LRRC8D: variants seen among roughly 807,000 people sequenced by gnomAD.
The protein encoded by LRRC8D is leucine rich repeat containing 8 VRAC subunit D.
Under a neutral mutation model 55.8 loss-of-function variants are expected in LRRC8D, and 20 were observed. The ratio of observed to expected loss-of-function variants is 0.36; its 90% confidence interval spans 0.25 to 0.52. LRRC8D has a LOEUF of 0.52. Ranked by LOEUF, LRRC8D falls within the 20% of genes least tolerant of loss-of-function variation. LRRC8D has a pLI of 0.93. For synonymous variants in LRRC8D, 352 were observed against 377.0 expected (o/e 0.93, Z 0.77); for missense variants, 651 against 1,030.8 (o/e 0.63, Z 5.05).
At chr1:89,850,062 A>G (rs1455756865) in intron 2 of LRRC8D, among the ~76,000 whole-genome samples, 1 of 152,178 alleles carries the variant, frequency 6.6e-6, no homozygotes, top group African/African-American at 2.4e-5. Context: ...TGAGATACGA[A>G]GTATTAACCC....
intron 2 of LRRC8D, among the ~76,000 whole-genome samples, chr1:89,864,158 G>C (rs1392066037): frequency 6.6e-6 from 1 of 152,152 alleles, no homozygotes; most frequent in Non-Finnish European, 1.5e-5. Flanking sequence ...TCTGTTTTTT[G>C]TCTTTGAACC....
intron 2 of LRRC8D, among the ~76,000 whole-genome samples, chr1:89,888,599 G>GT (rs1662483536): frequency 3.9e-5 from 6 of 152,318 alleles, no homozygotes; most frequent in African/African-American, 1.4e-4. Flanking sequence ...CCAGATCTTG[G>GT]TTTCTAATAC....
Position 89,935,209 on chromosome 1 carries a change from C to CT in LRRC8D, c.2142dup (p.Asn715Ter). 6.2e-7 allele frequency: 1 copy of CT among 1,614,142 alleles called. No individual in the cohort carries two copies. The highest frequency in any genetic ancestry group is 8.5e-7 in the Non-Finnish European group (1 of 1,180,006). On this transcript the variant is annotated frameshift_variant, in exon 3 of 3. Coordinates refer to ENST00000337338, the MANE Select transcript of LRRC8D (RefSeq NM_001134479.2). LOFTEE classifies it high-confidence loss of function. ...AAAAACTTGGAGTCACTTTATTTCT[C>CT]TAACAACAAGCTCGAATCCTTACCA...
chr1:89,826,956 T>C (rs983620059), intron 1 of LRRC8D, among the ~76,000 whole-genome samples: 2 of 152,212 alleles, frequency 1.3e-5, no homozygotes, highest in South Asian at 2.1e-4. Context: ...GATGGTGTTT[T>C]GTTGGATAAA....
chr1:89,853,182 G>A (rs1291604758), intron 2 of LRRC8D, among the ~76,000 whole-genome samples: 2 of 152,178 alleles, frequency 1.3e-5, no homozygotes, highest in Non-Finnish European at 2.9e-5. Context: ...ATGGAAAGTA[G>A]GAAGGGAGTA....
At chr1:89,917,293 T>C (rs1311252839) in intron 2 of LRRC8D, among the ~76,000 whole-genome samples, 1 of 152,210 alleles carries the variant, frequency 6.6e-6, no homozygotes, top group East Asian at 1.9e-4. Context: ...CCTGGAGTCA[T>C]GCAATAGCTG....
chr1:89,890,711 C>G (rs1012550411), intron 2 of LRRC8D, among the ~76,000 whole-genome samples: 2 of 152,184 alleles, frequency 1.3e-5, no homozygotes, highest in Non-Finnish European at 2.9e-5. Flanking sequence ...TAGAACAATT[C>G]TAGAAACCAG....
At chr1:89,901,059 A>G (rs926287716) in intron 2 of LRRC8D, among the ~76,000 whole-genome samples, 1 of 152,214 alleles carries the variant, frequency 6.6e-6, no homozygotes, top group Non-Finnish European at 1.5e-5. Flanking sequence ...GTGACCATGC[A>G]TTTCTAGTCC....
At chr1:89,891,616 A>G (rs1290388217) in intron 2 of LRRC8D, among the ~76,000 whole-genome samples, 1 of 152,090 alleles carries the variant, frequency 6.6e-6, no homozygotes, top group African/African-American at 2.4e-5. Flanking sequence ...CATTTCCTCT[A>G]CATATATTAT....
At chr1:89,869,699 C>T (rs996284911) in intron 2 of LRRC8D, among the ~76,000 whole-genome samples, 2 of 152,140 alleles carry the variant, frequency 1.3e-5, no homozygotes, top group Non-Finnish European at 1.5e-5. Flanking sequence ...ATGTTAAGGG[C>T]AACCAGAGAG....
At chr1:89,827,710 C>T (rs1209867986) in intron 1 of LRRC8D, among the ~76,000 whole-genome samples, 1 of 152,208 alleles carries the variant, frequency 6.6e-6, no homozygotes, top group Non-Finnish European at 1.5e-5. Context: ...TAATTGCCTC[C>T]TTGTCTTCCT....
intron 2 of LRRC8D, among the ~76,000 whole-genome samples, chr1:89,890,767 T>C (rs1328912661): frequency 6.6e-6 from 1 of 152,236 alleles, no homozygotes; most frequent in African/African-American, 2.4e-5. Flanking sequence ...AGAAACCTTA[T>C]GCAAGTTTTG....
At chr1:89,877,741 G>T (rs1239158271) in intron 2 of LRRC8D, among the ~76,000 whole-genome samples, 1 of 152,198 alleles carries the variant, frequency 6.6e-6, no homozygotes, top group Non-Finnish European at 1.5e-5. Flanking sequence ...GTATGGTATT[G>T]TCTAGGTTTT....
intron 2 of LRRC8D, among the ~76,000 whole-genome samples, chr1:89,855,733 A>G (rs1661537665): frequency 6.6e-6 from 1 of 152,248 alleles, no homozygotes; most frequent in Non-Finnish European, 1.5e-5. Flanking sequence ...TACTCTTCAA[A>G]GTGAAAATAG....
intron 2 of LRRC8D, among the ~76,000 whole-genome samples, chr1:89,878,074 T>A (rs957372567): frequency 1.3e-5 from 2 of 152,198 alleles, no homozygotes; most frequent in African/African-American, 4.8e-5. Context: ...ATCATGTCAC[T>A]ATGGGTTTTT....
intron 1 of LRRC8D, among the ~76,000 whole-genome samples, chr1:89,822,364 G>T (rs1487379483): frequency 6.6e-6 from 1 of 152,152 alleles, no homozygotes; most frequent in Non-Finnish European, 1.5e-5. Context: ...AGTCCTAGCG[G>T]AATGTGGGGC....
intron 2 of LRRC8D, among the ~76,000 whole-genome samples, chr1:89,890,831 A>G (rs1209363634): frequency 6.6e-6 from 1 of 152,178 alleles, no homozygotes; most frequent in African/African-American, 2.4e-5. Flanking sequence ...TCAGAATCCC[A>G]CATAGTACTT....
rs569908983 is a variant in LRRC8D, at chr1:89,902,144, T to G, written c.-2-30923T>G. 1.1e-4 allele frequency among the ~76,000 whole-genome samples: 17 copies of G among 152,362 alleles called. No individual in the cohort carries two copies. The East Asian group carries it at 3.3e-3, about 29-fold the overall frequency. ...GAGTTTATAATTGAAACATATGTTT[T>G]CTCCACAACAATTAAATGCCAGAAA... is the stretch of plus-strand genomic sequence containing the variant. On this transcript the variant is annotated intron_variant, in intron 2 of 2. Transcript: ENST00000337338.
intron 2 of LRRC8D, among the ~76,000 whole-genome samples, chr1:89,916,958 G>C (rs1356942664): frequency 1.3e-5 from 2 of 152,164 alleles, no homozygotes; most frequent in Non-Finnish European, 2.9e-5. Context: ...GAAAATGAAG[G>C]CCCAAGTTTA....
Sources: gnomAD v4.1 joint callset for allele counts (sites outside exome capture counted in the v4.1 genomes callset) on GRCh38, gnomAD v4.1.1 for gene constraint, MANE v1.5 for transcripts, NCBI Gene and HGNC (gene_info 2026-07-23, HGNC 2026-07-21) for gene names.